Variants in ARHGEF9 observed in about 807,000 individuals in gnomAD.
ARHGEF9 encodes the protein rho guanine nucleotide exchange factor 9.
In ARHGEF9, 2 loss-of-function variants were observed where a neutral mutation model predicts 41.3. The observed-to-expected ratio is 0.05, with a 90% CI of 0.02 to 0.15. The LOEUF (loss-of-function observed/expected upper bound fraction) is 0.15, where lower values mean the gene tolerates loss of function less well. Among genes scored for constraint, ARHGEF9 ranks in the 10% least tolerant of loss-of-function variants. The pLI is 1.00. For synonymous variants in ARHGEF9, 160 were observed against 154.4 expected (o/e 1.04, Z -0.27); for missense variants, 225 against 424.7 (o/e 0.53, Z 4.13).
At chrX:63,780,739 C>G (rs1327875900) in intron 1 of ARHGEF9, among the ~76,000 whole-genome samples, 1 of 111,489 alleles carries the variant, frequency 9.0e-6, no homozygotes, top group Non-Finnish European at 1.9e-5. Flanking sequence ...ATCCTTTAAT[C>G]GACACTTTAT....
chrX:63,752,006 C>T (rs1556441600), intron 1 of ARHGEF9, among the ~76,000 whole-genome samples: 1 of 111,879 alleles, frequency 8.9e-6, no homozygotes, highest in Non-Finnish European at 1.9e-5. Context: ...CCCTTCTCCC[C>T]TTGGGGGAAA....
intron 1 of ARHGEF9, among the ~76,000 whole-genome samples, chrX:63,747,696 G>A (rs1292621550): frequency 8.9e-6 from 1 of 112,482 alleles, no homozygotes; most frequent in East Asian, 2.8e-4. Flanking sequence ...AGGTGATTCC[G>A]ATGTGCAGCC....
intron 8 of ARHGEF9, among the ~76,000 whole-genome samples, chrX:63,655,224 A>G (rs1602251947): frequency 8.9e-6 from 1 of 112,129 alleles, no homozygotes; most frequent in East Asian, 2.8e-4. Context: ...TTTGCTAATA[A>G]ATGTATGTTT....
At chrX:63,641,234 C>T (rs1333076061) in intron 9 of ARHGEF9, 2 of 108,944 alleles carry the variant, frequency 1.8e-5, no homozygotes, top group African/African-American at 6.7e-5. Context: ...TGCCTGTAAT[C>T]CCAGCTACTC....
chrX:63,655,107 T>C (rs782754215), intron 8 of ARHGEF9, among the ~76,000 whole-genome samples: 1 of 112,490 alleles, frequency 8.9e-6, no homozygotes, highest in Non-Finnish European at 1.9e-5. Context: ...GGGGATTTAG[T>C]TAACATCTGA....
rs1556365249 is a variant in ARHGEF9, at chrX:63,678,435, A to G, written c.720T>C (p.Ile240=). 5 of 1,206,848 alleles carry G rather than the reference A, an allele frequency of 4.1e-6. No individual in the cohort carries two copies. The highest frequency in any genetic ancestry group is 5.6e-6 in the Non-Finnish European group (5 of 892,949). The change falls in exon 5 of 10, where the codon ATT becomes ATC. Residue 240 remains isoleucine, a synonymous_variant. Coordinates refer to ENST00000671741, the MANE Select transcript of ARHGEF9 (RefSeq NM_001353921.2). ...GAGTCAAAAGGAAACCATCGATAGC[A>G]ATGTCAATCATCTGCTGCAAGAGGC... ...ACRLLQQMID[I]AIDGFLLTPV... is the part of the protein sequence containing the mutation.
At chrX:63,641,295 T>C (rs1282187400) in intron 9 of ARHGEF9, 1 of 100,826 alleles carries the variant, frequency 9.9e-6, no homozygotes, top group Non-Finnish European at 2.0e-5. Flanking sequence ...GAGGTTGCAG[T>C]GAGCTAAGAT....
intron 4 of ARHGEF9, among the ~76,000 whole-genome samples, chrX:63,688,196 G>C (rs1299465451): frequency 9.0e-6 from 1 of 110,673 alleles, no homozygotes; most frequent in African/African-American, 3.3e-5. Context: ...GGGCAGGAGG[G>C]AGGGGGGCAA....
intron 8 of ARHGEF9, among the ~76,000 whole-genome samples, chrX:63,649,940 GA>G (rs1556326415): frequency 8.9e-6 from 1 of 111,759 alleles, no homozygotes; most frequent in Non-Finnish European, 1.9e-5. Flanking sequence ...TTCAGTCAAT[GA>G]AAGAGTGGAA....
At chrX:63,723,734 A>C (rs1164118019) in intron 2 of ARHGEF9, among the ~76,000 whole-genome samples, 2 of 112,086 alleles carry the variant, frequency 1.8e-5, no homozygotes, top group Non-Finnish European at 3.8e-5. Flanking sequence ...AACCAATGTT[A>C]TTCTCCCATA....
intron 1 of ARHGEF9, among the ~76,000 whole-genome samples, chrX:63,781,548 A>G (rs1298612685): frequency 8.9e-6 from 1 of 111,885 alleles, no homozygotes; most frequent in Admixed American, 9.5e-5. Flanking sequence ...GCAGGTGATC[A>G]GAAAGGAGAA....
At chrX:63,664,548 T>G (rs2049404432) in intron 7 of ARHGEF9, among the ~76,000 whole-genome samples, 1 of 112,414 alleles carries the variant, frequency 8.9e-6, no homozygotes, top group African/African-American at 3.2e-5. Flanking sequence ...AGAATTTCCA[T>G]GGCCACCTAA....
intron 6 of ARHGEF9, among the ~76,000 whole-genome samples, chrX:63,668,423 C>G (rs1359554597): frequency 1.8e-5 from 2 of 111,618 alleles, no homozygotes; most frequent in Admixed American, 1.9e-4. Context: ...CAGATGTTAG[C>G]CACGGTGCCC....
At chrX:63,650,659 C>A (rs1486025203) in intron 8 of ARHGEF9, among the ~76,000 whole-genome samples, 1 of 110,309 alleles carries the variant, frequency 9.1e-6, no homozygotes, top group Non-Finnish European at 1.9e-5. Flanking sequence ...GGAATGTTCC[C>A]AACACAAAGA....
intron 8 of ARHGEF9, among the ~76,000 whole-genome samples, chrX:63,652,094 C>A: frequency 9.0e-6 from 1 of 111,566 alleles, no homozygotes; most frequent in South Asian, 3.7e-4. Flanking sequence ...TGTTCACATC[C>A]TAACATTCAG....
chrX:63,771,124 A>G (rs1423290045), intron 1 of ARHGEF9, among the ~76,000 whole-genome samples: 1 of 112,018 alleles, frequency 8.9e-6, no homozygotes, highest in African/African-American at 3.2e-5. Flanking sequence ...CCTGGTCATT[A>G]GTCACACTGA....
At chrX:63,770,655 G>A (rs2056189562) in intron 1 of ARHGEF9, among the ~76,000 whole-genome samples, 1 of 111,933 alleles carries the variant, frequency 8.9e-6, no homozygotes. Flanking sequence ...ACCTAAAATT[G>A]TAATAATCCC....
intron 9 of ARHGEF9, chrX:63,638,738 T>C: frequency 3.3e-6 from 1 of 299,321 alleles, no homozygotes; most frequent in Non-Finnish European, 5.8e-6. Flanking sequence ...TCTAAAAGCA[T>C]AAGGTGCAAG....
At position 63,701,303 on chromosome X, in the gene ARHGEF9, G is replaced by A. The variant is rs781927257; in HGVS notation, c.403-3999C>T. ...TCTCTGTCTCTAAAATGAAGACATC[G>A]AAAAAGATGTCCATGGATCCTTTCA... On this transcript the variant is annotated intron_variant, in intron 3 of 9. Coordinates refer to ENST00000671741, the MANE Select transcript of ARHGEF9 (RefSeq NM_001353921.2). 5.3e-4 allele frequency among the ~76,000 whole-genome samples: 58 copies of A among 110,372 alleles called. 1 individual carries two copies. The highest frequency in any genetic ancestry group is 1.8e-3 in the African/African-American group (56 of 30,416).
Sources: allele counts gnomAD v4.1 joint callset (sites outside exome capture counted in the v4.1 genomes callset), GRCh38; gene constraint gnomAD v4.1.1; transcripts MANE v1.5; gene names NCBI Gene and HGNC (gene_info 2026-07-23, HGNC 2026-07-21).